The following COL4A1 variants were observed in gnomAD, a reference collection of about 807,000 sequenced individuals.
COL4A1 encodes collagen alpha-1(IV) chain.
COL4A1 carries 40 observed loss-of-function variants against 216.6 expected under a neutral mutation model. The observed-to-expected ratio is 0.18, with a 90% CI of 0.14 to 0.24. The LOEUF (loss-of-function observed/expected upper bound fraction) is 0.24, where lower values mean the gene tolerates loss of function less well. Among genes scored for constraint, COL4A1 ranks in the 10% least tolerant of loss-of-function variants. COL4A1 has a pLI of 1.00. For missense variants in COL4A1, 1,628 were observed against 2,196.8 expected, an observed-to-expected ratio of 0.74 and a Z score of 5.18; for synonymous variants, 839 against 810.7, an observed-to-expected ratio of 1.03 and a Z score of -0.59.
intron 2 of COL4A1, among the ~76,000 whole-genome samples, chr13:110,215,900 A>G (rs1880048425): frequency 6.6e-6 from 1 of 152,230 alleles, no homozygotes; most frequent in Admixed American, 6.5e-5. Context: ...CCATTTTTAC[A>G]AACGCAGGAA....
At chr13:110,296,258 T>C (rs552633403) in intron 1 of COL4A1, among the ~76,000 whole-genome samples, 1 of 152,316 alleles carries the variant, frequency 6.6e-6, no homozygotes, top group Non-Finnish European at 1.5e-5. Flanking sequence ...TTGTTATACC[T>C]CAAAGCCAAG....
rs1375164268 is a variant in COL4A1 at position 110,186,532 on chromosome 13, C to G, written c.1750G>C (p.Glu584Gln). Residue 584 changes from glutamate to glutamine, a missense_variant, in exon 26 of 52, where the codon GAG becomes CAG. By Grantham distance (29) the Glu-to-Gln change is conservative (BLOSUM62 2). Around this residue, in one of 8 missense-constraint regions of COL4A1, gnomAD observed 701 missense variants for 892.5 expected, o/e 0.79. Coordinates refer to ENST00000375820, the MANE Select transcript of COL4A1 (RefSeq NM_001845.6). ...CCAACTCCTCCAGGGGGGCCACGCT[C>G]TCCTTTCAATCCTACAGAACCCTGA... Reference protein sequence around the residue: ...GSPGSVGLKGERGPPGGVGFP... With the variant: ...GSPGSVGLKGQRGPPGGVGFP... 3.7e-6 allele frequency: 6 copies of G among 1,613,910 alleles called. No homozygotes were observed. The Admixed American group carries it at 6.7e-5, about 18-fold the overall frequency.
At chr13:110,177,806 C>A in intron 33 of COL4A1, 36 bp downstream of exon 33, 2 of 1,606,176 alleles carry the variant, frequency 1.2e-6, no homozygotes, top group Non-Finnish European at 1.7e-6. Flanking sequence ...GAGAAATAGA[C>A]ACAAAATGAG....
At chr13:110,257,269 A>T (rs1454615092) in intron 1 of COL4A1, among the ~76,000 whole-genome samples, 1 of 152,228 alleles carries the variant, frequency 6.6e-6, no homozygotes, top group East Asian at 1.9e-4. Flanking sequence ...TGTGGAAGAG[A>T]TCCTGCGGCA....
chr13:110,165,985 C>T (rs616463), intron 45 of COL4A1, among the ~76,000 whole-genome samples: 1 of 152,072 alleles, frequency 6.6e-6, no homozygotes, highest in Admixed American at 6.5e-5. Context: ...GTGAGAACCT[C>T]GGCCACCCCT....
chr13:110,261,142 C>T (rs1308980834), intron 1 of COL4A1, among the ~76,000 whole-genome samples: 2 of 152,094 alleles, frequency 1.3e-5, no homozygotes, highest in Non-Finnish European at 2.9e-5. Context: ...CATGAACTCC[C>T]CTTACAGCCC....
chr13:110,223,041 T>C (rs1880579781), intron 2 of COL4A1, among the ~76,000 whole-genome samples: 1 of 152,120 alleles, frequency 6.6e-6, no homozygotes, highest in Non-Finnish European at 1.5e-5. Flanking sequence ...AGCCTATAAA[T>C]AATGAGAATG....
At chr13:110,227,755 G>A (rs1201820972) in intron 2 of COL4A1, among the ~76,000 whole-genome samples, 2 of 152,224 alleles carry the variant, frequency 1.3e-5, no homozygotes, top group East Asian at 3.8e-4. Flanking sequence ...GAATCAGCAC[G>A]TTCTGTGAAG....
chr13:110,151,854 C>T (rs372590562), intron 51 of COL4A1, among the ~76,000 whole-genome samples: 127 of 152,186 alleles, frequency 8.3e-4, no homozygotes, highest in Non-Finnish European at 1.4e-3. Context: ...GAAGGGTCTT[C>T]CCTCTCAGTT....
At chr13:110,204,529 C>G (rs935964874) in intron 17 of COL4A1, among the ~76,000 whole-genome samples, 1 of 151,976 alleles carries the variant, frequency 6.6e-6, no homozygotes, top group Non-Finnish European at 1.5e-5. Context: ...GATGACTATT[C>G]CAAAATTATC....
At chr13:110,159,805 A>G (rs1876983929) in intron 49 of COL4A1, among the ~76,000 whole-genome samples, 1 of 152,226 alleles carries the variant, frequency 6.6e-6, no homozygotes, top group African/African-American at 2.4e-5. Flanking sequence ...ATGCTATAAT[A>G]TAGATGAACC....
At chr13:110,285,191 A>T (rs921041044) in intron 1 of COL4A1, among the ~76,000 whole-genome samples, 1 of 152,254 alleles carries the variant, frequency 6.6e-6, no homozygotes, top group African/African-American at 2.4e-5. Flanking sequence ...AAGTATTTTT[A>T]TTAAAATGTT....
intron 1 of COL4A1, among the ~76,000 whole-genome samples, chr13:110,249,228 G>A (rs912970278): frequency 1.3e-5 from 2 of 152,132 alleles, no homozygotes; most frequent in Non-Finnish European, 2.9e-5. Context: ...CTGGGGTGCA[G>A]GAAACATTCT....
chr13:110,164,124 G>C (rs1877224163), intron 46 of COL4A1, among the ~76,000 whole-genome samples: 1 of 151,372 alleles, frequency 6.6e-6, no homozygotes, highest in African/African-American at 2.4e-5. Context: ...GAGTAGCTGG[G>C]ACTACAGGTA....
intron 1 of COL4A1, among the ~76,000 whole-genome samples, chr13:110,278,971 C>T (rs939676455): frequency 2.0e-5 from 3 of 152,150 alleles, no homozygotes; most frequent in Admixed American, 2.0e-4. Flanking sequence ...TGATGAAACC[C>T]TCAGGCCCAA....
intron 4 of COL4A1, among the ~76,000 whole-genome samples, chr13:110,213,314 C>T (rs1025977541): frequency 2.0e-5 from 3 of 152,136 alleles, no homozygotes; most frequent in African/African-American, 4.8e-5. Context: ...CTGCTGATCC[C>T]TTCAAACATA....
intron 49 of COL4A1, chr13:110,160,945 G>A: frequency 3.9e-6 from 2 of 511,906 alleles, no homozygotes; most frequent in Non-Finnish European, 7.0e-6. Context: ...CTGAGCTCAA[G>A]CAACCCTCTC....
At chr13:110,153,140 C>G (rs1876589809) in intron 50 of COL4A1, among the ~76,000 whole-genome samples, 1 of 152,144 alleles carries the variant, frequency 6.6e-6, no homozygotes, top group African/African-American at 2.4e-5. Context: ...TACAACAGAG[C>G]CCCGTGACTA....
chr13:110,286,689 G>T lies in COL4A1; in HGVS notation c.84+20255C>A, dbSNP rs183069542. The stretch of plus-strand genomic sequence containing the variant: ...GAAGCTGTATTCCCAGATCCCAAAG[G>T]TGAACAAACCATGAGCCCCGGCTCT... On this transcript the variant is annotated intron_variant, in intron 1 of 51. Coordinates refer to ENST00000375820, the MANE Select transcript of COL4A1 (RefSeq NM_001845.6). 1.3e-3 allele frequency among the ~76,000 whole-genome samples: 202 copies of T among 152,270 alleles called. 2 individuals carry two copies. In the East Asian group the frequency reaches 0.037, roughly 28 times the overall value.
Sources: gnomAD v4.1 joint callset for allele counts (sites outside exome capture counted in the v4.1 genomes callset) on GRCh38, gnomAD v4.1.1 for gene constraint, gnomAD v4.1.1 regional missense constraint, MANE v1.5 for transcripts, NCBI Gene and HGNC (gene_info 2026-07-23, HGNC 2026-07-21) for gene names.